The following SLC25A25 variants were observed in gnomAD, a reference collection of about 807,000 sequenced individuals.
SLC25A25 encodes the protein mitochondrial adenyl nucleotide antiporter SLC25A25.
A neutral mutation model predicts 57.7 loss-of-function variants in SLC25A25; 32 were observed. The observed-to-expected ratio is 0.55, with a 90% CI of 0.42 to 0.74. The LOEUF (loss-of-function observed/expected upper bound fraction) is 0.74. Among genes scored for constraint, SLC25A25 ranks in the 30% least tolerant of loss-of-function variants. SLC25A25 has a pLI of 0.00. For synonymous variants in SLC25A25, 306 were observed against 291.2 expected, an observed-to-expected ratio of 1.05 and a Z score of -0.52; for missense variants, 556 against 701.3, an observed-to-expected ratio of 0.79 and a Z score of 2.34.
At chr9:128,104,626 C>A (rs765625046) in intron 6 of SLC25A25, among the ~76,000 whole-genome samples, 1 of 152,030 alleles carries the variant, frequency 6.6e-6, no homozygotes, top group Non-Finnish European at 1.5e-5. Flanking sequence ...GTTTTTTTAG[C>A]AGAATTATCA....
rs186780570 is a variant in SLC25A25 at position 128,101,291 on chromosome 9, C to T, written c.389-18C>T. 9 of 1,614,218 alleles carry T rather than the reference C, an allele frequency of 5.6e-6. No homozygotes were observed. Among genetic ancestry groups the T allele is most frequent in the Admixed American group, 3.3e-5 (2 of 60,018 alleles). On this transcript the variant is annotated intron_variant, in intron 2 of 10. Transcript: ENST00000373069. The surrounding 1 kb of genome is among the most constrained non-coding windows in gnomAD (Gnocchi z 4.9). ...TCCCCGTGCGCCTGGCTCCTGCTCACGGCCTCTGTTCTTGCAGGACGCATT... is the reference window on the plus strand; with the variant it reads ...TCCCCGTGCGCCTGGCTCCTGCTCATGGCCTCTGTTCTTGCAGGACGCATT...
At chr9:128,074,681 G>C (rs1046006669) in intron 1 of SLC25A25, among the ~76,000 whole-genome samples, 2 of 152,086 alleles carry the variant, frequency 1.3e-5, no homozygotes, top group African/African-American at 4.8e-5. Flanking sequence ...CACGGGCCTG[G>C]CCGACAGAGC....
At chr9:128,090,778 C>T (rs552342854) in intron 1 of SLC25A25, among the ~76,000 whole-genome samples, 26 of 152,330 alleles carry the variant, frequency 1.7e-4, no homozygotes, top group Admixed American at 1.5e-3. Flanking sequence ...ACCCACTGCG[C>T]TCCAGCCTGG....
rs1422484959 is a variant in SLC25A25, at chr9:128,105,717, C to T, written c.784-12C>T. 6.2e-7 allele frequency: 1 copy of T among 1,612,146 alleles called. No individual in the cohort carries two copies. Among genetic ancestry groups the T allele is most frequent in the Non-Finnish European group, 8.5e-7 (1 of 1,180,022 alleles). ...CCCCGGGTCCGTCTGACTGTTCGGT[C>T]CTCCCTCCCAGGTCCATGCCTCCCG... On this transcript the variant is annotated splice_polypyrimidine_tract_variant and intron_variant, in intron 6 of 10. Coordinates refer to ENST00000373069, the MANE Select transcript of SLC25A25 (RefSeq NM_001330988.2).
intron 1 of SLC25A25, among the ~76,000 whole-genome samples, chr9:128,078,721 G>A (rs55965570): frequency 0.13 from 19,658 of 152,188 alleles, 1,731 homozygotes; most frequent in Non-Finnish European, 0.2. Context: ...AAGCTTTGGA[G>A]ATTATCTCAC....
At position 128,099,233 on chromosome 9, in the gene SLC25A25, C is replaced by A. The variant is rs1205243554; in HGVS notation, c.262-1863C>A. 7.8e-7 allele frequency: 1 copy of A among 1,288,946 alleles called. No homozygotes were observed. Among genetic ancestry groups the A allele is most frequent in the South Asian group, 1.2e-5 (1 of 81,012 alleles). 79.8% of individuals were successfully genotyped at this position (1,288,946 alleles called of 1,614,324 possible). A position where few individuals can be genotyped will look rare whatever the true frequency, so the allele number is the denominator to read the frequency against. ...GCTGCAGAGTCCGGAGGCCCCTTGC[C>A]ACCTCGGCTTCTCGGTTAATCAGTT... On this transcript the variant is annotated intron_variant, in intron 1 of 10. Transcript: ENST00000373069. This position sits in a 1 kb window ranked among gnomAD's most constrained non-coding sequence, Gnocchi z 6.8.
chr9:128,105,158 C>CTTTT (rs11351573), intron 6 of SLC25A25, among the ~76,000 whole-genome samples: 1 of 29,134 alleles, frequency 3.4e-5, no homozygotes, highest in African/African-American at 1.6e-4. Context: ...CACTCCCGGC[C>CTTTT]TTTTTTTTTT....
rs536517546 is a variant in SLC25A25, at chr9:128,108,466, G to A, written c.*1022G>A. ...GTTCCTGTCCAACCCCAGCAGGGGC[G>A]CAGCGGGACCAGCCCCACATTCCAC... On this transcript the variant is annotated 3_prime_UTR_variant, in exon 11 of 11. Transcript: ENST00000373069. The A allele has an allele frequency of 1.6e-4, 64 of 392,484 alleles. No individual in the cohort carries two copies. Among genetic ancestry groups the A allele is most frequent in the Middle Eastern group, 6.4e-4 (1 of 1,556 alleles). The allele number at this position is 392,484 out of a possible 1,614,324, so 24.3% of individuals were successfully genotyped here.
At chr9:128,071,018 T>C (rs1000529105) in intron 1 of SLC25A25, among the ~76,000 whole-genome samples, 6 of 152,014 alleles carry the variant, frequency 3.9e-5, no homozygotes, top group Non-Finnish European at 8.8e-5. Context: ...CCAGAGGGTT[T>C]CTGTTTCTGC....
chr9:128,082,909 C>T (rs568307736), intron 1 of SLC25A25, among the ~76,000 whole-genome samples: 5 of 152,174 alleles, frequency 3.3e-5, no homozygotes, highest in African/African-American at 1.2e-4. Flanking sequence ...TGAGACACCA[C>T]GCCCGGCCTG....
Position 128,107,606 on chromosome 9 carries a change from A to G in SLC25A25, c.*162A>G, listed in dbSNP as rs976983518. On this transcript the variant is annotated 3_prime_UTR_variant, in exon 11 of 11. Transcript: ENST00000373069. ...GAGGGTGGGGAGAGCTGGCAGGCCC[A>G]GGGCTTGTCCTGCTGACCCCAGCAG... The G allele has an allele frequency of 2.7e-5, 22 of 804,130 alleles. No individual in the cohort carries two copies. Among genetic ancestry groups the G allele is most frequent in the African/African-American group, 5.2e-5 (3 of 57,970 alleles). 49.8% of individuals were successfully genotyped at this position (804,130 alleles called of 1,614,324 possible).
intron 1 of SLC25A25, 113 bp downstream of exon 1, chr9:128,068,693 G>A: frequency 8.3e-7 from 1 of 1,203,056 alleles, no homozygotes. Context: ...TCCAGAGGAA[G>A]GGTGCCCCCT....
rs201422874 is a variant in SLC25A25, at chr9:128,106,366, G to A, written c.1058G>A (p.Arg353Gln). 2.3e-4 allele frequency: 374 copies of A among 1,613,638 alleles called. No individual in the cohort carries two copies. Among genetic ancestry groups the A allele is most frequent in the Non-Finnish European group, 2.9e-4 (338 of 1,179,866 alleles). ...SIYPMEVLKT[R>Q]MALRKTGQYS... Reference sequence around the variant, plus strand: ...CCTGTTGTGCAGGTCCTGAAGACCCGGATGGCGCTGCGGAAGACAGGCCAG... The same window carrying A: ...CCTGTTGTGCAGGTCCTGAAGACCCAGATGGCGCTGCGGAAGACAGGCCAG... Residue 353 changes from arginine (R) to glutamine (Q), a missense_variant, in exon 9 of 11, where the codon CGG becomes CAG. Physicochemically the swap from Arg to Gln is conservative, Grantham distance 43 (BLOSUM62 1). This residue lies in a region of SLC25A25 where 294 missense variants were observed against 389.6 expected (regional missense o/e 0.75). Transcript: ENST00000373069.
In SLC25A25 at chr9:128,068,379, C is replaced by T. The variant is rs779888347; in HGVS notation, c.60C>T (p.Thr20=). The T allele has an allele frequency of 1.3e-6, 2 of 1,550,998 alleles. No homozygotes were observed. Among genetic ancestry groups the T allele is most frequent in the Non-Finnish European group, 1.7e-6 (2 of 1,157,284 alleles). Residue 20 remains threonine, a synonymous_variant, in exon 1 of 11, where the codon ACC becomes ACT. Transcript: ENST00000373069. ...VASPPPDAAA[T]AASSSASSPA... ...CCCCGCCGCCGGACGCCGCCGCCAC[C>T]GCCGCCTCTTCGTCTGCCTCATCGC...
At chr9:128,080,328 T>G (rs1588754032) in intron 1 of SLC25A25, among the ~76,000 whole-genome samples, 1 of 129,826 alleles carries the variant, frequency 7.7e-6, no homozygotes, top group Admixed American at 9.1e-5. Flanking sequence ...TCTGCCTGGG[T>G]GACAGAGCAA....
chr9:128,080,262 C>CA (rs1833123132), intron 1 of SLC25A25, among the ~76,000 whole-genome samples: 1 of 146,710 alleles, frequency 6.8e-6, no homozygotes. Flanking sequence ...AAAAAAAAAC[C>CA]CACAAAAAAC....
At chr9:128,097,327 C>T (rs1007322328) in intron 1 of SLC25A25, among the ~76,000 whole-genome samples, 40 of 152,216 alleles carry the variant, frequency 2.6e-4, no homozygotes, top group African/African-American at 4.8e-5. Context: ...GGGTCGTTCT[C>T]GAGCTGTGTT....
intron 1 of SLC25A25, among the ~76,000 whole-genome samples, chr9:128,100,651 ACT>A (rs1833750111): frequency 6.6e-6 from 1 of 152,038 alleles, no homozygotes; most frequent in Non-Finnish European, 1.5e-5. Context: ...CAGAAACTGG[ACT>A]CCATGGCCAT....
chr9:128,071,932 C>T (rs866117809), intron 1 of SLC25A25, among the ~76,000 whole-genome samples: 86 of 152,218 alleles, frequency 5.6e-4, no homozygotes, highest in African/African-American at 2.0e-3. Flanking sequence ...AGGCTGGTCT[C>T]GAACTCTTGA....
Sources: gnomAD v4.1 joint callset for allele counts (sites outside exome capture counted in the v4.1 genomes callset) on GRCh38, gnomAD v4.1.1 for gene constraint, gnomAD v4.1.1 regional missense constraint, Gnocchi (gnomAD v3.1) non-coding constraint, MANE v1.5 for transcripts, NCBI Gene and HGNC (gene_info 2026-07-23, HGNC 2026-07-21) for gene names.